The following TNRC6A variants were observed in gnomAD, a reference collection of about 807,000 sequenced individuals.
TNRC6A encodes the protein trinucleotide repeat containing adaptor 6A, also known as trinucleotide repeat-containing gene 6A protein.
TNRC6A carries 44 observed loss-of-function variants against 221.2 expected under a neutral mutation model. The ratio of observed to expected loss-of-function variants is 0.20; its 90% CI spans 0.16 to 0.26. The LOEUF is 0.26. Ranked by LOEUF, TNRC6A falls within the 10% of genes least tolerant of loss-of-function variation. The pLI, the probability that TNRC6A is intolerant of heterozygous loss-of-function variation, is 1.00. For synonymous variants in TNRC6A, 847 were observed against 838.5 expected (o/e 1.01, Z -0.18); for missense variants, 2,199 against 2,404.4 (o/e 0.91, Z 1.79).
intron 21 of TNRC6A, chr16:24,819,712 T>G: frequency 5.1e-6 from 1 of 197,846 alleles, no homozygotes; most frequent in Non-Finnish European, 1.0e-5. Context: ...AGATCTCCTT[T>G]GGCAGCTCCT....
chr16:24,708,604 A>T (rs2056144926), intron 2 of TNRC6A, among the ~76,000 whole-genome samples: 1 of 152,042 alleles, frequency 6.6e-6, no homozygotes, highest in Non-Finnish European at 1.5e-5. Context: ...AGCAGTGTAC[A>T]GTGTACACTG....
chr16:24,786,286 C>CT (rs2057964111), intron 5 of TNRC6A, among the ~76,000 whole-genome samples: 1 of 132,214 alleles, frequency 7.6e-6, no homozygotes, highest in South Asian at 2.7e-4. Flanking sequence ...GTTCAGAGTC[C>CT]TTTTTTGTTT....
intron 1 of TNRC6A, among the ~76,000 whole-genome samples, chr16:24,612,518 G>A (rs935852750): frequency 2.0e-5 from 3 of 151,818 alleles, no homozygotes; most frequent in East Asian, 1.9e-4. Context: ...GGGCCTAGGC[G>A]GCTGGATTGC....
intron 2 of TNRC6A, among the ~76,000 whole-genome samples, chr16:24,689,498 C>T (rs896326077): frequency 6.6e-6 from 1 of 152,188 alleles, no homozygotes; most frequent in African/African-American, 2.4e-5. Context: ...GTCCATGAGA[C>T]CACATGATGG....
chr16:24,725,655 T>C (rs548681408), upstream of TNRC6A, among the ~76,000 whole-genome samples: 1 of 151,798 alleles, frequency 6.6e-6, no homozygotes, highest in East Asian at 1.9e-4. Context: ...AACATTCCTA[T>C]CCTTCTGTGC....
chr16:24,802,438 A>C, intron 11 of TNRC6A, among the ~76,000 whole-genome samples: 1 of 152,100 alleles, frequency 6.6e-6, no homozygotes, highest in African/African-American at 2.4e-5. Context: ...GGGCCCAGCT[A>C]CTCAGGAAGC....
rs150155779 is a variant in TNRC6A, at chr16:24,648,932, A to C, written n.402+7923A>C. Among the ~76,000 whole-genome samples, 5 of 152,278 alleles carry C rather than the reference A, an allele frequency of 3.3e-5. No individual in the cohort carries two copies. In the East Asian group the frequency reaches 9.6e-4, roughly 29 times the overall value. On this transcript the variant is annotated intron_variant and non_coding_transcript_variant, in intron 2 of 2. Transcript: ENST00000566108. Reference sequence around the variant, plus strand: ...CCACAGCAAGTTGCAACTGTCATCCATCATGAAATCGGTGGCACATCTTCC... The same window carrying C: ...CCACAGCAAGTTGCAACTGTCATCCCTCATGAAATCGGTGGCACATCTTCC...
At chr16:24,619,822 G>A (rs1406865993) in intron 1 of TNRC6A, among the ~76,000 whole-genome samples, 2 of 152,054 alleles carry the variant, frequency 1.3e-5, no homozygotes, top group Non-Finnish European at 2.9e-5. Flanking sequence ...GAGAAGCTGG[G>A]CAGGAATCAT....
Position 24,754,464 on chromosome 16 carries a change from A to G in TNRC6A, c.141+3651A>G, listed in dbSNP as rs547172464. On this transcript the variant is annotated intron_variant, in intron 3 of 24. Coordinates refer to ENST00000395799, the MANE Select transcript of TNRC6A (RefSeq NM_014494.4). ...CTTTTCATCAAAGATTATGTATAAC[A>G]CTCTTTTCTGTTTCATATCTAAGAA... Among the ~76,000 whole-genome samples the G allele has an allele frequency of 7.9e-5, 12 of 151,974 alleles. 1 individual carries two copies. In the East Asian group the frequency reaches 2.3e-3, roughly 29 times the overall value.
intron 1 of TNRC6A, among the ~76,000 whole-genome samples, chr16:24,622,406 G>A: frequency 6.6e-6 from 1 of 152,148 alleles, no homozygotes; most frequent in Middle Eastern, 3.2e-3. Context: ...TTCGAGACCA[G>A]CCTGGCCAAC....
chr16:24,653,245 G>C (rs1417180776), intron 2 of TNRC6A, among the ~76,000 whole-genome samples: 1 of 152,146 alleles, frequency 6.6e-6, no homozygotes, highest in Non-Finnish European at 1.5e-5. Flanking sequence ...GTTCACCTCA[G>C]AAAAGACAAC....
At chr16:24,708,676 A>G (rs936692624) in intron 2 of TNRC6A, among the ~76,000 whole-genome samples, 3 of 152,014 alleles carry the variant, frequency 2.0e-5, no homozygotes, top group Non-Finnish European at 4.4e-5. Flanking sequence ...GAGTCCCCAG[A>G]GTCCATTATA....
In TNRC6A at chr16:24,777,138, G is replaced by A. The variant is rs766337992; in HGVS notation, c.369G>A (p.Gln123=). 22 of 1,613,414 alleles carry A rather than the reference G, an allele frequency of 1.4e-5. No individual in the cohort carries two copies. The highest frequency in any genetic ancestry group is 1.8e-5 in the Non-Finnish European group (21 of 1,179,710). Residue 123 remains glutamine (Q), a synonymous_variant, in exon 5 of 25, where the codon CAG becomes CAA. Transcript: ENST00000395799. ...PQPQPQQQQP[Q]QQPQALPRYP... is the part of the protein sequence containing the mutation. ...CGCAGCCGCAGCAGCAGCAGCCACA[G>A]CAGCAGCCACAGGCCTTGCCTCGGT...
rs1204478075 is a variant in TNRC6A at position 24,794,607 on chromosome 16, C to G, written c.3416C>G (p.Thr1139Ser). 3 of 1,614,090 alleles carry G rather than the reference C, an allele frequency of 1.9e-6. No homozygotes were observed. In the Admixed American group the frequency reaches 5.0e-5, roughly 27 times the overall value. Residue 1139 changes from threonine (T) to serine (S), a missense_variant, in exon 8 of 25, where the codon ACT becomes AGT. Physicochemically the swap from Thr to Ser is moderately conservative, Grantham distance 58. Around this residue, in one of 8 missense-constraint regions of TNRC6A, gnomAD observed 1,405 missense variants for 1,400.2 expected, o/e 1.00. Transcript: ENST00000395799. ...DDMPLPGNRP[T>S]GWEEEEDVEI... Reference sequence around the variant, plus strand: ...ATGCCATTGCCTGGAAATCGCCCCACTGGCTGGGAAGAGGAAGAGGATGTG... The same window carrying G: ...ATGCCATTGCCTGGAAATCGCCCCAGTGGCTGGGAAGAGGAAGAGGATGTG...
intron 1 of TNRC6A, among the ~76,000 whole-genome samples, chr16:24,614,905 A>G (rs1900263259): frequency 1.3e-5 from 2 of 152,164 alleles, no homozygotes; most frequent in African/African-American, 4.8e-5. Context: ...CCTCGTCTCT[A>G]CTAAAAATAC....
intron 2 of TNRC6A, among the ~76,000 whole-genome samples, chr16:24,667,092 G>A (rs138048945): frequency 6.6e-6 from 1 of 152,136 alleles, no homozygotes; most frequent in Non-Finnish European, 1.5e-5. Context: ...CTCCAGCCTG[G>A]GTGACAGAGC....
rs536281730 is a variant in TNRC6A at position 24,805,639 on chromosome 16, A to G, written c.4157A>G (p.Asn1386Ser). ...PVSLLKYAPN[N>S]GGLNPLFGPQ... ...TCATTGCTGAAGTATGCACCAAACA[A>G]CGGTGGCCTGAATCCACTCTTTGGC... is the stretch of plus-strand genomic sequence containing the variant. Residue 1386 changes from asparagine to serine, a missense_variant, in exon 15 of 25, where the codon AAC (asparagine) becomes AGC (serine). By Grantham distance (46) the Asn-to-Ser change is conservative. Around this residue, in one of 8 missense-constraint regions of TNRC6A, gnomAD observed 449 missense variants for 579.7 expected, o/e 0.77. Transcript: ENST00000395799. 2.5e-6 allele frequency: 4 copies of G among 1,614,246 alleles called. No homozygotes were observed. The highest frequency in any genetic ancestry group is 1.6e-4 in the Middle Eastern group (1 of 6,062).
At chr16:24,643,127 T>A (rs375429973) in intron 2 of TNRC6A, among the ~76,000 whole-genome samples, 2 of 135,740 alleles carry the variant, frequency 1.5e-5, no homozygotes, top group African/African-American at 5.6e-5. Flanking sequence ...ATATATAAAA[T>A]ATATATATAT....
intron 14 of TNRC6A, 45 bp from the exon 15 acceptor site, chr16:24,805,556 AGTGT>A (rs548217986): frequency 7.3e-5 from 117 of 1,607,520 alleles, no homozygotes; most frequent in Non-Finnish European, 9.5e-5. Flanking sequence ...ACGTGTAGTT[AGTGT>A]GAGTTATTTT....
Sources: gnomAD v4.1 joint callset for allele counts (sites outside exome capture counted in the v4.1 genomes callset) on GRCh38, gnomAD v4.1.1 for gene constraint, gnomAD v4.1.1 regional missense constraint, MANE v1.5 for transcripts, NCBI Gene and HGNC (gene_info 2026-07-23, HGNC 2026-07-21) for gene names.